Variants in SPMIP7 observed in about 807,000 individuals in gnomAD.
The protein encoded by SPMIP7 is protein SPMIP7.
At chr7:50,099,605 C>T in the SPMIP7 span, among the ~76,000 whole-genome samples, 1 of 152,184 alleles carries the variant, frequency 6.6e-6, no homozygotes, top group Non-Finnish European at 1.5e-5. Flanking sequence ...TGTTTTCCTT[C>T]CCAAGTGAAT....
chr7:50,129,125 GA>G, the SPMIP7 span, among the ~76,000 whole-genome samples: 1 of 151,610 alleles, frequency 6.6e-6, no homozygotes, highest in Non-Finnish European at 1.5e-5. Context: ...CATAGAACTA[GA>G]AAAAGTTTAC....
chr7:50,110,462 G>T, the SPMIP7 span, among the ~76,000 whole-genome samples: 1 of 145,366 alleles, frequency 6.9e-6, no homozygotes. Flanking sequence ...TATTGTATAT[G>T]TGATATATAT....
the SPMIP7 span, among the ~76,000 whole-genome samples, chr7:50,133,046 A>G: frequency 6.6e-6 from 1 of 152,188 alleles, no homozygotes; most frequent in African/African-American, 2.4e-5. Context: ...CAAGTTTCAC[A>G]CTAAGTGTGA....
At chr7:50,107,226 C>T in the SPMIP7 span, among the ~76,000 whole-genome samples, 6 of 151,694 alleles carry the variant, frequency 4.0e-5, no homozygotes, top group Non-Finnish European at 5.9e-5. Context: ...TGTGGTGGCA[C>T]GTGTCTGTAG....
the SPMIP7 span, chr7:50,134,324 AC>A: frequency 6.4e-6 from 8 of 1,256,160 alleles, no homozygotes; most frequent in African/African-American, 1.5e-5. Context: ...TCAAAATAAT[AC>A]TTATTTTATT....
At chr7:50,141,602 T>C in the SPMIP7 span, 2 of 480,880 alleles carry the variant, frequency 4.2e-6, no homozygotes, top group East Asian at 3.1e-5. Flanking sequence ...TTTATCTCTG[T>C]GACTTCAGTT....
chr7:50,100,621 G>T, the SPMIP7 span, among the ~76,000 whole-genome samples: 4 of 151,954 alleles, frequency 2.6e-5, no homozygotes, highest in Non-Finnish European at 4.4e-5. Context: ...GACCATTCAG[G>T]CTAATATAGT....
the SPMIP7 span, among the ~76,000 whole-genome samples, chr7:50,102,726 A>G: frequency 1.1e-4 from 17 of 152,140 alleles, no homozygotes; most frequent in Non-Finnish European, 1.5e-5. Flanking sequence ...CATCATGAAA[A>G]TAGTATTACT....
chr7:50,144,432 G>A, the SPMIP7 span, among the ~76,000 whole-genome samples: 3 of 152,124 alleles, frequency 2.0e-5, no homozygotes, highest in Non-Finnish European at 4.4e-5. Context: ...ATATGCACTA[G>A]ATATTTTTGC....
chr7:50,117,973 G>C, the SPMIP7 span, among the ~76,000 whole-genome samples: 1 of 152,140 alleles, frequency 6.6e-6, no homozygotes, highest in Non-Finnish European at 1.5e-5. Flanking sequence ...TATTAAGATT[G>C]AAGATCATAG....
chr7:50,128,265 G>A, the SPMIP7 span, among the ~76,000 whole-genome samples: 13 of 152,054 alleles, frequency 8.5e-5, no homozygotes, highest in African/African-American at 2.4e-4. Flanking sequence ...TAAAATGGTG[G>A]ATCTCATGAA....
the SPMIP7 span, among the ~76,000 whole-genome samples, chr7:50,122,484 A>G: frequency 6.6e-6 from 1 of 151,272 alleles, no homozygotes; most frequent in Non-Finnish European, 1.5e-5. Flanking sequence ...CCTAGGCATT[A>G]CCATTCAGGA....
chr7:50,134,065 G>A, the SPMIP7 span: 4 of 1,480,966 alleles, frequency 2.7e-6, no homozygotes, highest in South Asian at 5.3e-5. Flanking sequence ...TTTACCAATT[G>A]AATATGCTTT....
the SPMIP7 span, chr7:50,096,730 A>C: frequency 1.0e-6 from 1 of 999,208 alleles, no homozygotes; most frequent in African/African-American, 1.6e-5. Flanking sequence ...TTAAATTAAC[A>C]AAATTACAAT....
At chr7:50,101,792 CACAG>C in the SPMIP7 span, among the ~76,000 whole-genome samples, 2 of 152,206 alleles carry the variant, frequency 1.3e-5, no homozygotes, top group Non-Finnish European at 2.9e-5. Context: ...TCCAGCTTGT[CACAG>C]ACAGAATCAT....
chr7:50,118,144 C>T, the SPMIP7 span, among the ~76,000 whole-genome samples: 1 of 152,114 alleles, frequency 6.6e-6, no homozygotes, highest in Non-Finnish European at 1.5e-5. Flanking sequence ...GTGAAATGTG[C>T]CTGATTTGGA....
At chr7:50,132,097 A>G in the SPMIP7 span, among the ~76,000 whole-genome samples, 1 of 152,162 alleles carries the variant, frequency 6.6e-6, no homozygotes, top group Non-Finnish European at 1.5e-5. Context: ...ACTTAAAAAC[A>G]TGATATGAAG....
At chr7:50,100,773 C>T in the SPMIP7 span, among the ~76,000 whole-genome samples, 1 of 150,508 alleles carries the variant, frequency 6.6e-6, no homozygotes, top group African/African-American at 2.4e-5. Context: ...GATCGTGCCA[C>T]TGCACTCCAG....
At chr7:50,140,743 A>G in the SPMIP7 span, among the ~76,000 whole-genome samples, 1 of 152,230 alleles carries the variant, frequency 6.6e-6, no homozygotes, top group Non-Finnish European at 1.5e-5. Flanking sequence ...CACCCCTCTC[A>G]TTACTCGGCC....
Sources: gnomAD v4.1 joint callset for allele counts (sites outside exome capture counted in the v4.1 genomes callset) on GRCh38, gnomAD v4.1.1 for gene constraint, MANE v1.5 for transcripts, NCBI Gene and HGNC (gene_info 2026-07-23, HGNC 2026-07-21) for gene names.